The following PHLDB2 variants were observed in gnomAD, a reference collection of about 807,000 sequenced individuals.
PHLDB2 encodes pleckstrin homology-like domain family B member 2.
Under a neutral mutation model 123.6 loss-of-function variants are expected in PHLDB2, and 71 were observed. The ratio of observed to expected loss-of-function variants is 0.57; its 90% CI spans 0.47 to 0.70. The LOEUF is 0.70. Among genes scored for constraint, PHLDB2 ranks in the 30% least tolerant of loss-of-function variants. The probability of loss-of-function intolerance (pLI) is 0.00; values close to 1 mark genes in which losing one functional copy is unlikely to be tolerated. For missense variants in PHLDB2, 1,446 were observed against 1,519.5 expected (o/e 0.95, Z 0.80); for synonymous variants, 547 against 541.6 (o/e 1.01, Z -0.14).
chr3:111,873,100 A>G (rs2065426049), intron 1 of PHLDB2, among the ~76,000 whole-genome samples: 1 of 152,234 alleles, frequency 6.6e-6, no homozygotes, highest in Admixed American at 6.5e-5. Flanking sequence ...TGCATGGCCA[A>G]GAAGAAATGG....
intron 1 of PHLDB2, among the ~76,000 whole-genome samples, chr3:111,736,381 C>A (rs576511986): frequency 6.6e-6 from 1 of 152,054 alleles, no homozygotes; most frequent in Non-Finnish European, 1.5e-5. Context: ...TCAAAACTGT[C>A]CAGTATGTCA....
At chr3:111,824,879 T>C (rs1388074500) in intron 1 of PHLDB2, among the ~76,000 whole-genome samples, 1 of 152,210 alleles carries the variant, frequency 6.6e-6, no homozygotes, top group Non-Finnish European at 1.5e-5. Context: ...TAGTTATAGG[T>C]GCATGAATAA....
At chr3:111,732,549 C>A in exon 1 of PHLDB2, 1 of 1,366,976 alleles carries the variant, frequency 7.3e-7, no homozygotes, top group Non-Finnish European at 1.0e-6. Flanking sequence ...GGAAAGGAAC[C>A]TCACCTTCAT....
chr3:111,822,764 G>T (rs961011258), intron 1 of PHLDB2, among the ~76,000 whole-genome samples: 1 of 151,936 alleles, frequency 6.6e-6, no homozygotes, highest in Non-Finnish European at 1.5e-5. Flanking sequence ...CCCTGCTTGG[G>T]ACCAATACCA....
intron 1 of PHLDB2, among the ~76,000 whole-genome samples, chr3:111,770,659 T>C (rs548421012): frequency 6.6e-6 from 1 of 152,080 alleles, no homozygotes; most frequent in African/African-American, 2.4e-5. Context: ...ACCCATTTCA[T>C]AAATGGAAAA....
At chr3:111,931,751 G>T (rs112126284) in intron 5 of PHLDB2, among the ~76,000 whole-genome samples, 1 of 152,144 alleles carries the variant, frequency 6.6e-6, no homozygotes, top group Non-Finnish European at 1.5e-5. Flanking sequence ...TTCAGATGAC[G>T]GGGATGTCAA....
At position 111,885,295 on chromosome 3, in the gene PHLDB2, G is replaced by T; in HGVS notation, c.1218G>T (p.Gln406His). The change falls in exon 2 of 18, where the codon CAG (glutamine) becomes CAT (histidine). Residue 406 changes from glutamine to histidine, a missense_variant. Transcript: ENST00000431670. ...TCAGACAGGCCTCAGGAACCCCCCA[G>T]CCTGCCCTTCGGGAACGGAAAAGCA... is the stretch of plus-strand genomic sequence containing the variant. ...ESLRQASGTP[Q>H]PALRERKSSI... 2 of 1,614,186 alleles carry T rather than the reference G, an allele frequency of 1.2e-6. No homozygotes were observed. Among genetic ancestry groups the T allele is most frequent in the Non-Finnish European group, 1.7e-6 (2 of 1,180,036 alleles).
chr3:111,936,006 G>C (rs1291361486), intron 6 of PHLDB2, among the ~76,000 whole-genome samples: 1 of 152,180 alleles, frequency 6.6e-6, no homozygotes, highest in African/African-American at 2.4e-5. Context: ...TGTAGTTAAA[G>C]TGTAAAAGTT....
At position 111,885,397 on chromosome 3, in the gene PHLDB2, G is replaced by A. The variant is rs2066099520; in HGVS notation, c.1320G>A (p.Gln440=). 1 of 1,613,998 alleles carries A rather than the reference G, an allele frequency of 6.2e-7. No individual in the cohort carries two copies. The highest frequency in any genetic ancestry group is 1.1e-5 in the South Asian group (1 of 91,086). Residue 440 remains glutamine, a synonymous_variant, in exon 2 of 18, where the codon CAG becomes CAA. Coordinates refer to ENST00000431670, the MANE Select transcript of PHLDB2 (RefSeq NM_001134438.2). ...RRQREERLRE[Q]EMERLERQRL... ...AGAGGGAGGAAAGACTCAGGGAGCA[G>A]GAAATGGAGCGATTGGTAATCTTCA...
chr3:111,830,212 T>G (rs2062876444), intron 1 of PHLDB2, among the ~76,000 whole-genome samples: 1 of 152,164 alleles, frequency 6.6e-6, no homozygotes, highest in Admixed American at 6.5e-5. Context: ...TCTATCAGAT[T>G]AGTGGTGGCA....
At chr3:111,952,921 G>A (rs935629884) in intron 11 of PHLDB2, among the ~76,000 whole-genome samples, 1 of 152,256 alleles carries the variant, frequency 6.6e-6, no homozygotes, top group African/African-American at 2.4e-5. Context: ...ATGCTTCAGG[G>A]TATTTTCTAC....
chr3:111,805,272 T>A (rs2061528951), intron 1 of PHLDB2, among the ~76,000 whole-genome samples: 1 of 152,038 alleles, frequency 6.6e-6, no homozygotes, highest in South Asian at 2.1e-4. Flanking sequence ...ATAAAAAAAA[T>A]TACTGGGGCC....
intron 1 of PHLDB2, among the ~76,000 whole-genome samples, chr3:111,880,628 T>C (rs947401024): frequency 5.3e-5 from 8 of 152,168 alleles, no homozygotes; most frequent in Non-Finnish European, 1.0e-4. Flanking sequence ...GTCTGTCCTT[T>C]GCTGCCTTAA....
At chr3:111,932,467 C>A (rs146259617) in intron 6 of PHLDB2, 70 bp downstream of exon 6, 2 of 1,477,312 alleles carry the variant, frequency 1.4e-6, no homozygotes, top group South Asian at 1.3e-5. Flanking sequence ...GTGCCACTTA[C>A]CTGTGACTTA....
intron 13 of PHLDB2, among the ~76,000 whole-genome samples, 160 bp from the exon 14 acceptor site, chr3:111,966,453 C>A (rs2071762198): frequency 6.6e-6 from 1 of 151,868 alleles, no homozygotes; most frequent in Non-Finnish European, 1.5e-5. Flanking sequence ...AAGTAACATT[C>A]TTTAAATTAT....
At chr3:111,948,827 GGCTGT>G (rs1559917830) in intron 9 of PHLDB2, 100 bp from the exon 10 acceptor site, 215 of 1,006,708 alleles carry the variant, frequency 2.1e-4, no homozygotes, top group Non-Finnish European at 3.0e-4. Context: ...ACAGATATCT[GGCTGT>G]GCCGCTCTAA....
intron 1 of PHLDB2, among the ~76,000 whole-genome samples, chr3:111,736,791 AC>A (rs575068056): frequency 9.3e-4 from 142 of 152,336 alleles, no homozygotes; most frequent in African/African-American, 3.1e-3. Context: ...GAAAATAAAT[AC>A]ATTAATTGTT....
chr3:111,790,085 T>G (rs2060852158), intron 1 of PHLDB2, among the ~76,000 whole-genome samples: 1 of 152,174 alleles, frequency 6.6e-6, no homozygotes, highest in African/African-American at 2.4e-5. Context: ...TATCAGCACC[T>G]CAGAAATGTT....
At chr3:111,864,099 C>G (rs2064957357) in intron 1 of PHLDB2, among the ~76,000 whole-genome samples, 1 of 152,112 alleles carries the variant, frequency 6.6e-6, no homozygotes, top group African/African-American at 2.4e-5. Flanking sequence ...GACAACTAGC[C>G]AAAGGGTGCA....
Sources: allele counts gnomAD v4.1 joint callset (sites outside exome capture counted in the v4.1 genomes callset), GRCh38; gene constraint gnomAD v4.1.1; transcripts MANE v1.5; gene names NCBI Gene and HGNC (gene_info 2026-07-23, HGNC 2026-07-21).